SOAT1: variants seen among roughly 807,000 people sequenced by gnomAD.
SOAT1 encodes acyl-coenzyme A:cholesterol acyltransferase 1.
A neutral mutation model predicts 69.5 loss-of-function variants in SOAT1; 55 were observed. The ratio of observed to expected loss-of-function variants is 0.79; its 90% confidence interval spans 0.64 to 0.99. The LOEUF is 0.99. SOAT1 is among the 50% of genes least tolerant of loss of function. The pLI is 0.00. For synonymous variants in SOAT1, 231 were observed against 224.7 expected (o/e 1.03, Z -0.25); for missense variants, 580 against 669.3 (o/e 0.87, Z 1.47).
Position 179,351,366 on chromosome 1 carries a change from T to C in SOAT1, c.1500T>C (p.Asn500=), listed in dbSNP as rs1666724530. The C allele has an allele frequency of 6.2e-7, 1 of 1,614,050 alleles. No individual in the cohort carries two copies. The highest frequency in any genetic ancestry group is 8.5e-7 in the Non-Finnish European group (1 of 1,180,000). Residue 500 remains asparagine, a synonymous_variant, in exon 15 of 16, where the codon AAT becomes AAC. Coordinates refer to ENST00000367619, the MANE Select transcript of SOAT1 (RefSeq NM_003101.6). ...VNDSRKKPIW[N]VLMWTSLFLG... The stretch of plus-strand genomic sequence containing the variant: ...ATAGTCGGAAAAAGCCGATTTGGAA[T>C]GTTCTGATGTGGACTTCTCTTTTCT...
intron 5 of SOAT1, among the ~76,000 whole-genome samples, chr1:179,338,738 CAA>C (rs1473256794): frequency 6.6e-6 from 1 of 151,918 alleles, no homozygotes; most frequent in Non-Finnish European, 1.5e-5. Context: ...GAAAAATAAA[CAA>C]AATTACATAT....
chr1:179,356,550 T>C lies in SOAT1; in HGVS notation c.*2909T>C, dbSNP rs1472065300. On this transcript the variant is annotated 3_prime_UTR_variant, in exon 16 of 16. Coordinates refer to ENST00000367619, the MANE Select transcript of SOAT1 (RefSeq NM_003101.6). ...TTTTTTTTCTTGTACAGATGGGGTT[T>C]TACCATGTTGCTCAGGCTGGTCTCA... 6.6e-6 allele frequency: 1 copy of C among 150,628 alleles called. No homozygotes were observed. Among genetic ancestry groups the C allele is most frequent in the Non-Finnish European group, 1.5e-5 (1 of 67,802 alleles). 9.3% of individuals were successfully genotyped at this position (150,628 alleles called of 1,614,324 possible).
intron 3 of SOAT1, among the ~76,000 whole-genome samples, 200 bp from the exon 4 acceptor site, chr1:179,335,306 T>A (rs1241628965): frequency 6.6e-6 from 1 of 152,178 alleles, no homozygotes; most frequent in Non-Finnish European, 1.5e-5. Context: ...TAAAAGGGTA[T>A]AAATCACTAT....
Position 179,342,877 on chromosome 1 carries a change from C to A in SOAT1, c.875C>A (p.Pro292His). 6.2e-7 allele frequency: 1 copy of A among 1,613,298 alleles called. No homozygotes were observed. The highest frequency in any genetic ancestry group is 8.5e-7 in the Non-Finnish European group (1 of 1,179,400). The change falls in exon 9 of 16, where the codon CCT becomes CAT. Residue 292 changes from proline (P) to histidine (H), a missense_variant. Physicochemically the swap from Pro to His is moderately conservative, Grantham distance 77. Coordinates refer to ENST00000367619, the MANE Select transcript of SOAT1 (RefSeq NM_003101.6). ...CCTTTTCTAGGCACTGTTCCAATAC[C>A]TACAGTCAACCAGTATTTGTACTTC... ...AKEKSSTVPI[P>H]TVNQYLYFLF... is the part of the protein sequence containing the mutation.
At chr1:179,310,445 C>T (rs911727597) in intron 2 of SOAT1, among the ~76,000 whole-genome samples, 4 of 152,102 alleles carry the variant, frequency 2.6e-5, no homozygotes, top group Non-Finnish European at 5.9e-5. Context: ...CACTAATCCA[C>T]GTTTCTGGCT....
chr1:179,347,116 C>A (rs937539230), intron 11 of SOAT1, among the ~76,000 whole-genome samples: 1 of 151,908 alleles, frequency 6.6e-6, no homozygotes, highest in East Asian at 1.9e-4. Context: ...CCTAGCACTT[C>A]GGGAGGCTGA....
At chr1:179,308,255 ATGT>A (rs1361361142) in intron 2 of SOAT1, among the ~76,000 whole-genome samples, 1 of 152,206 alleles carries the variant, frequency 6.6e-6, no homozygotes, top group Admixed American at 6.5e-5. Context: ...AGATAATATG[ATGT>A]TGTAACAATT....
chr1:179,337,924 T>C (rs756291006), intron 5 of SOAT1, 28 bp downstream of exon 5: 3 of 1,512,480 alleles, frequency 2.0e-6, no homozygotes, highest in South Asian at 1.2e-5. Flanking sequence ...TTTTTAAATA[T>C]GTTTGATTTT....
intron 15 of SOAT1, among the ~76,000 whole-genome samples, chr1:179,352,972 C>T (rs904676058): frequency 3.3e-5 from 5 of 150,974 alleles, no homozygotes; most frequent in Non-Finnish European, 7.4e-5. Context: ...GCTTGCTTCC[C>T]TCTCTTTCCT....
chr1:179,336,596 T>G (rs1322431245), intron 4 of SOAT1, among the ~76,000 whole-genome samples: 1 of 152,012 alleles, frequency 6.6e-6, no homozygotes, highest in Non-Finnish European at 1.5e-5. Context: ...ACTGTAGCTA[T>G]CCGCATGTTA....
At chr1:179,306,280 C>T (rs555417279) in intron 2 of SOAT1, among the ~76,000 whole-genome samples, 1 of 152,302 alleles carries the variant, frequency 6.6e-6, no homozygotes, top group Admixed American at 6.5e-5. Flanking sequence ...GTGGCCCTTG[C>T]TGGGGACCCT....
intron 2 of SOAT1, among the ~76,000 whole-genome samples, chr1:179,322,595 G>A (rs1665639768): frequency 6.6e-6 from 1 of 152,162 alleles, no homozygotes; most frequent in African/African-American, 2.4e-5. Flanking sequence ...ATCTTCCAGG[G>A]AGGAATTGCA....
intron 2 of SOAT1, among the ~76,000 whole-genome samples, chr1:179,308,600 A>T (rs987723732): frequency 1.3e-5 from 2 of 149,122 alleles, no homozygotes; most frequent in African/African-American, 5.0e-5. Context: ...TGAACCTGGG[A>T]GACGGAGGTT....
rs1666827323 is a variant in SOAT1, at chr1:179,353,851, G to T, written c.*210G>T. The T allele has an allele frequency of 1.9e-6, 1 of 526,726 alleles. No homozygotes were observed. The highest frequency in any genetic ancestry group is 3.9e-5 in the Admixed American group (1 of 25,378). The allele number at this position is 526,726 out of a possible 1,614,324, so 32.6% of individuals were successfully genotyped here. On this transcript the variant is annotated 3_prime_UTR_variant, in exon 16 of 16. Transcript: ENST00000367619. ...ACTTAAGCAGAGCAGAACTTTTTTT[G>T]TGGGGCTGGGTGGGGGGAGAAGACC...
chr1:179,324,245 A>G (rs1005824810), intron 3 of SOAT1, among the ~76,000 whole-genome samples: 1 of 152,224 alleles, frequency 6.6e-6, no homozygotes, highest in African/African-American at 2.4e-5. Flanking sequence ...AATGTATGCC[A>G]GATTATTTAT....
At chr1:179,321,723 C>G (rs1218584374) in intron 2 of SOAT1, among the ~76,000 whole-genome samples, 1 of 152,080 alleles carries the variant, frequency 6.6e-6, no homozygotes, top group Admixed American at 6.6e-5. Flanking sequence ...ATCTATATTC[C>G]CATTTACTAG....
intron 2 of SOAT1, among the ~76,000 whole-genome samples, chr1:179,320,547 T>C (rs1201441518): frequency 6.6e-6 from 1 of 152,150 alleles, no homozygotes; most frequent in Non-Finnish European, 1.5e-5. Context: ...GAAATTTTAG[T>C]GAGTATTGCT....
At chr1:179,351,017 C>CTTTTTTTTTTTTTTTTTTTTTTTTTTT (rs1558060562) in intron 14 of SOAT1, among the ~76,000 whole-genome samples, 1 of 13,954 alleles carries the variant, frequency 7.2e-5, no homozygotes, top group Admixed American at 9.8e-4. Flanking sequence ...CTGTATATTT[C>CTTTTTTTTTTTTTTTTTTTTTTTTTTT]TTTCTTTTTT....
At chr1:179,301,393 C>T (rs1358074876) in intron 1 of SOAT1, among the ~76,000 whole-genome samples, 1 of 152,174 alleles carries the variant, frequency 6.6e-6, no homozygotes, top group Non-Finnish European at 1.5e-5. Flanking sequence ...AGTCTTTTCC[C>T]TCATCACATT....
Sources: allele counts gnomAD v4.1 joint callset (sites outside exome capture counted in the v4.1 genomes callset), GRCh38; gene constraint gnomAD v4.1.1; transcripts MANE v1.5; gene names NCBI Gene and HGNC (gene_info 2026-07-23, HGNC 2026-07-21).